TWIST2: variants seen among roughly 807,000 people sequenced by gnomAD.
TWIST2 encodes twist-related protein 2.
In TWIST2, 1 loss-of-function variant was observed where a neutral mutation model predicts 11.6. That is an observed-to-expected ratio of 0.09 (90% CI 0.03 to 0.41). TWIST2 has a LOEUF of 0.41. TWIST2 is among the 10% of genes least tolerant of loss of function. TWIST2 has a pLI of 0.98. For missense variants in TWIST2, 168 were observed against 226.4 expected, an observed-to-expected ratio of 0.74 and a Z score of 1.66; for synonymous variants, 87 against 96.6, an observed-to-expected ratio of 0.90 and a Z score of 0.58.
intron 1 of TWIST2, among the ~76,000 whole-genome samples, chr2:238,895,093 T>C (rs1693192006): frequency 6.6e-6 from 1 of 152,248 alleles, no homozygotes; most frequent in Admixed American, 6.5e-5. Flanking sequence ...TTTCGTTCGC[T>C]GCTGCTGCTG....
intron 1 of TWIST2, among the ~76,000 whole-genome samples, chr2:238,895,420 G>A (rs1203148110): frequency 5.3e-5 from 8 of 152,236 alleles, no homozygotes; most frequent in African/African-American, 9.6e-5. Flanking sequence ...AACGGGGCCC[G>A]CAGGGCGGTT....
At chr2:238,896,431 G>A (rs1267202087) in intron 1 of TWIST2, among the ~76,000 whole-genome samples, 4 of 152,294 alleles carry the variant, frequency 2.6e-5, no homozygotes, top group Admixed American at 6.5e-5. Context: ...TCTGGAGGCC[G>A]CCTGGCCGAG....
chr2:238,858,941 G>A (rs1203340608), intron 1 of TWIST2, among the ~76,000 whole-genome samples: 1 of 152,246 alleles, frequency 6.6e-6, no homozygotes, highest in Non-Finnish European at 1.5e-5. Context: ...GTTGGGCACA[G>A]TGGCTCACGC....
chr2:238,909,069 T>G (rs1693408663), intron 1 of TWIST2, among the ~76,000 whole-genome samples: 1 of 151,872 alleles, frequency 6.6e-6, no homozygotes, highest in Non-Finnish European at 1.5e-5. Context: ...GGTGTGTATG[T>G]AGTGTGGGGT....
intron 1 of TWIST2, among the ~76,000 whole-genome samples, chr2:238,893,970 A>G (rs1219484032): frequency 1.3e-5 from 2 of 151,590 alleles, no homozygotes; most frequent in East Asian, 1.9e-4. Context: ...TGCCTCTCCT[A>G]CCACGTGCCT....
At chr2:238,884,915 C>G (rs1693004716) in intron 1 of TWIST2, among the ~76,000 whole-genome samples, 1 of 152,202 alleles carries the variant, frequency 6.6e-6, no homozygotes, top group African/African-American at 2.4e-5. Flanking sequence ...GCAGGTCACT[C>G]CAGCTCCCCT....
chr2:238,869,150 C>T (rs182785614), intron 1 of TWIST2, among the ~76,000 whole-genome samples: 51 of 152,274 alleles, frequency 3.3e-4, no homozygotes, highest in African/African-American at 1.1e-3. Context: ...AAGCGAGCAA[C>T]GTGGACTTGT....
At chr2:238,881,345 CAGTGTTAGTATTAGTGTT>C (rs1361213687) in intron 1 of TWIST2, among the ~76,000 whole-genome samples, 1 of 145,818 alleles carries the variant, frequency 6.9e-6, no homozygotes, top group Non-Finnish European at 1.5e-5. Flanking sequence ...GCATTAGTGT[CAGTGTTAGTATTAGTGTT>C]AGTGTTAGTA....
intron 1 of TWIST2, among the ~76,000 whole-genome samples, chr2:238,858,485 ACT>A (rs1337048376): frequency 6.6e-6 from 1 of 152,038 alleles, no homozygotes; most frequent in African/African-American, 2.4e-5. Flanking sequence ...TCCCCAAGTG[ACT>A]CTCTTGGTCA....
chr2:238,893,045 AG>A (rs1457295881), intron 1 of TWIST2, among the ~76,000 whole-genome samples: 1 of 152,224 alleles, frequency 6.6e-6, no homozygotes, highest in African/African-American at 2.4e-5. Context: ...CTGCTCCGCC[AG>A]AAACTCCAAC....
At chr2:238,861,717 C>T (rs1046165956) in intron 1 of TWIST2, among the ~76,000 whole-genome samples, 4 of 152,160 alleles carry the variant, frequency 2.6e-5, no homozygotes, top group African/African-American at 7.2e-5. Context: ...ACAGCCGTCC[C>T]GTTTATCCAT....
At chr2:238,868,357 T>A (rs36152935) in intron 1 of TWIST2, among the ~76,000 whole-genome samples, 105,584 of 152,138 alleles carry the variant, frequency 0.69, 37,229 homozygotes, top group African/African-American at 0.77. Context: ...AGCGTCGGGC[T>A]TCTGTCCAGA....
At chr2:238,871,349 CCA>C (rs1441127102) in intron 1 of TWIST2, among the ~76,000 whole-genome samples, 1 of 68,526 alleles carries the variant, frequency 1.5e-5, no homozygotes, top group African/African-American at 6.0e-5. Context: ...ACACCACACC[CCA>C]CACACACAGT....
At position 238,904,440 on chromosome 2, in the gene TWIST2, TGTG is replaced by T. The variant is rs1313653810; in HGVS notation, c.*36-5400_*36-5398del. 5.3e-5 allele frequency among the ~76,000 whole-genome samples: 8 copies of T among 151,250 alleles called. No homozygotes were observed. The South Asian group carries it at 8.4e-4, about 16-fold the overall frequency. ...TGTGTGTGATGTGGGGTGTGTGTGA[TGTG>T]GGGTATGTGTGGGATGGGTGTGTGT... On this transcript the variant is annotated intron_variant, in intron 1 of 1. Coordinates refer to ENST00000612363, the MANE Select transcript of TWIST2 (RefSeq NM_001271893.4).
intron 1 of TWIST2, among the ~76,000 whole-genome samples, chr2:238,870,775 T>C (rs565615636): frequency 6.0e-4 from 6 of 9,920 alleles, no homozygotes; most frequent in African/African-American, 2.0e-3. Context: ...ACACACACAG[T>C]ACACACTACA....
At chr2:238,862,392 A>G (rs1010353363) in intron 1 of TWIST2, among the ~76,000 whole-genome samples, 5 of 152,226 alleles carry the variant, frequency 3.3e-5, no homozygotes, top group African/African-American at 4.8e-5. Context: ...TAAAAAGACA[A>G]TTACCCCATA....
At chr2:238,852,698 C>T (rs915517669) in intron 1 of TWIST2, among the ~76,000 whole-genome samples, 2 of 151,938 alleles carry the variant, frequency 1.3e-5, no homozygotes, top group Admixed American at 6.5e-5. Flanking sequence ...CATGTACACA[C>T]GAGTGTATGT....
chr2:238,903,306 T>A, intron 1 of TWIST2, among the ~76,000 whole-genome samples: 1 of 136,456 alleles, frequency 7.3e-6, no homozygotes, highest in Middle Eastern at 5.0e-3. Flanking sequence ...TGATGTGGGA[T>A]GTGTGATATA....
rs1218264650 is a variant in TWIST2 at position 238,908,525 on chromosome 2, A to G, written c.*36-1317A>G. Among the ~76,000 whole-genome samples, 4 of 152,172 alleles carry G rather than the reference A, an allele frequency of 2.6e-5. No individual in the cohort carries two copies. In the East Asian group the frequency reaches 7.7e-4, roughly 29 times the overall value. On this transcript the variant is annotated intron_variant, in intron 1 of 1. Transcript: ENST00000612363. ...ACCCCACACCACACACACCCACACG[A>G]GTGACATGTGAATAAGCTCTTGGTC...
Sources: gnomAD v4.1 joint callset for allele counts (sites outside exome capture counted in the v4.1 genomes callset) on GRCh38, gnomAD v4.1.1 for gene constraint, MANE v1.5 for transcripts, NCBI Gene and HGNC (gene_info 2026-07-23, HGNC 2026-07-21) for gene names.